Variants in HS6ST3 observed in about 807,000 individuals in gnomAD.
HS6ST3 encodes heparan-sulfate 6-O-sulfotransferase 3.
In HS6ST3, 12 loss-of-function variants were observed where a neutral mutation model predicts 36.7. The observed-to-expected ratio is 0.33, with a 90% CI of 0.21 to 0.53. The LOEUF (loss-of-function observed/expected upper bound fraction) is 0.53, where lower values mean the gene tolerates loss of function less well. Among genes scored for constraint, HS6ST3 ranks in the 20% least tolerant of loss-of-function variants. HS6ST3 has a pLI of 0.95. For synonymous variants in HS6ST3, 240 were observed against 257.5 expected (o/e 0.93, Z 0.65); for missense variants, 584 against 640.9 (o/e 0.91, Z 0.96).
At chr13:96,656,446 T>A (rs1055842766) in intron 1 of HS6ST3, among the ~76,000 whole-genome samples, 2 of 152,172 alleles carry the variant, frequency 1.3e-5, no homozygotes, top group Non-Finnish European at 2.9e-5. Context: ...AGTAAACTCA[T>A]GTTCCAAGAG....
At chr13:96,758,730 A>G (rs1004442664) in intron 1 of HS6ST3, among the ~76,000 whole-genome samples, 1 of 151,916 alleles carries the variant, frequency 6.6e-6, no homozygotes, top group Non-Finnish European at 1.5e-5. Context: ...CAGCTATTCT[A>G]TAAAATTTCC....
At chr13:96,387,808 A>C (rs968491656) in intron 1 of HS6ST3, among the ~76,000 whole-genome samples, 1 of 152,166 alleles carries the variant, frequency 6.6e-6, no homozygotes, top group Non-Finnish European at 1.5e-5. Context: ...ACCAAGGTCC[A>C]GAAGATTTGC....
intron 1 of HS6ST3, among the ~76,000 whole-genome samples, chr13:96,502,788 G>A (rs1402505266): frequency 6.6e-6 from 1 of 152,124 alleles, no homozygotes; most frequent in Non-Finnish European, 1.5e-5. Context: ...GGGTGTGAGT[G>A]TAACTTACCT....
intron 1 of HS6ST3, among the ~76,000 whole-genome samples, chr13:96,475,692 T>C (rs1255503565): frequency 6.6e-6 from 1 of 151,590 alleles, no homozygotes; most frequent in Non-Finnish European, 1.5e-5. Context: ...TATATACTAG[T>C]TAATTAAGGA....
At chr13:96,798,243 G>A (rs769877842) in intron 1 of HS6ST3, among the ~76,000 whole-genome samples, 14 of 151,980 alleles carry the variant, frequency 9.2e-5, no homozygotes, top group Non-Finnish European at 1.3e-4. Flanking sequence ...CAGCTATCCC[G>A]AAGCTCCCCA....
Position 96,211,280 on chromosome 13 carries a change from A to G in HS6ST3, c.707+119711A>G, listed in dbSNP as rs1281635877. 2.0e-5 allele frequency among the ~76,000 whole-genome samples: 3 copies of G among 152,172 alleles called. No individual in the cohort carries two copies. In the South Asian group the frequency reaches 6.2e-4, roughly 32 times the overall value. ...CTATTATTTATTTAGCTGGTGAGAT[A>G]AACTTCCAGCCATGGGTCTTCTAGA... On this transcript the variant is annotated intron_variant, in intron 1 of 1. Transcript: ENST00000376705.
chr13:96,265,381 T>C, intron 1 of HS6ST3, among the ~76,000 whole-genome samples: 1 of 151,984 alleles, frequency 6.6e-6, no homozygotes, highest in East Asian at 1.9e-4. Flanking sequence ...TGTCTCATTA[T>C]GTTTCCCATG....
chr13:96,584,542 C>T (rs1286187247), intron 1 of HS6ST3, among the ~76,000 whole-genome samples: 1 of 152,144 alleles, frequency 6.6e-6, no homozygotes, highest in African/African-American at 2.4e-5. Flanking sequence ...TAGGACCATG[C>T]CTGGCACATA....
intron 1 of HS6ST3, among the ~76,000 whole-genome samples, chr13:96,729,681 G>A (rs910063465): frequency 6.6e-6 from 1 of 151,828 alleles, no homozygotes; most frequent in Non-Finnish European, 1.5e-5. Flanking sequence ...TGGCCAGGCT[G>A]GTCTCAAACT....
intron 1 of HS6ST3, among the ~76,000 whole-genome samples, chr13:96,223,472 G>A (rs751844787): frequency 9.2e-5 from 14 of 152,270 alleles, no homozygotes; most frequent in East Asian, 5.8e-4. Context: ...TTTCAGCTTC[G>A]GTGTTGGCAG....
chr13:96,740,519 A>AT (rs1337048480), intron 1 of HS6ST3, among the ~76,000 whole-genome samples: 3 of 152,208 alleles, frequency 2.0e-5, no homozygotes, highest in African/African-American at 7.2e-5. Context: ...AATCTCAACT[A>AT]TAAGTTGGGA....
intron 1 of HS6ST3, among the ~76,000 whole-genome samples, chr13:96,465,895 G>T (rs1340346786): frequency 6.6e-6 from 1 of 151,910 alleles, no homozygotes. Context: ...TCTTTTTGTT[G>T]TCTAAATTTT....
At chr13:96,212,149 A>G (rs1454489529) in intron 1 of HS6ST3, among the ~76,000 whole-genome samples, 2 of 152,188 alleles carry the variant, frequency 1.3e-5, no homozygotes, top group Non-Finnish European at 2.9e-5. Context: ...TTTTTTGTAG[A>G]ATTTTTGAAA....
chr13:96,345,242 G>A (rs2055147834), intron 1 of HS6ST3, among the ~76,000 whole-genome samples: 1 of 152,144 alleles, frequency 6.6e-6, no homozygotes. Context: ...CAATCCCTGA[G>A]AAGTACAATT....
intron 1 of HS6ST3, among the ~76,000 whole-genome samples, chr13:96,355,605 T>A (rs906877466): frequency 6.7e-6 from 1 of 150,142 alleles, no homozygotes; most frequent in Admixed American, 6.6e-5. Flanking sequence ...CATTATTTTT[T>A]AACTATTTTA....
intron 1 of HS6ST3, among the ~76,000 whole-genome samples, chr13:96,656,031 C>T (rs1391412545): frequency 1.3e-5 from 2 of 152,108 alleles, no homozygotes; most frequent in Admixed American, 6.6e-5. Context: ...ATGTATAAAA[C>T]ATACTAATTG....
intron 1 of HS6ST3, among the ~76,000 whole-genome samples, chr13:96,780,676 GCT>G: frequency 6.6e-6 from 1 of 152,280 alleles, no homozygotes; most frequent in East Asian, 1.9e-4. Context: ...TAAGAAGTCA[GCT>G]CTCTCTGGAG....
chr13:96,236,098 A>G (rs1171425277), intron 1 of HS6ST3, among the ~76,000 whole-genome samples: 1 of 152,318 alleles, frequency 6.6e-6, no homozygotes, highest in South Asian at 2.1e-4. Flanking sequence ...GTTTGATGGC[A>G]GGAAGCATCC....
chr13:96,176,882 G>A (rs574680033), intron 1 of HS6ST3, among the ~76,000 whole-genome samples: 1 of 152,196 alleles, frequency 6.6e-6, no homozygotes, highest in Non-Finnish European at 1.5e-5. Context: ...TCTGACAAAG[G>A]TCTAATATCC....
Sources: allele counts gnomAD v4.1 joint callset (sites outside exome capture counted in the v4.1 genomes callset), GRCh38; gene constraint gnomAD v4.1.1; transcripts MANE v1.5; gene names NCBI Gene and HGNC (gene_info 2026-07-23, HGNC 2026-07-21).